Variants in MPRIP observed in about 807,000 individuals in gnomAD.
MPRIP encodes the protein myosin phosphatase Rho interacting protein.
Under a neutral mutation model 234.9 loss-of-function variants are expected in MPRIP, and 59 were observed. The ratio of observed to expected loss-of-function variants is 0.25; its 90% confidence interval spans 0.20 to 0.31. The LOEUF is 0.31. Among genes scored for constraint, MPRIP ranks in the 10% least tolerant of loss-of-function variants. MPRIP has a pLI of 1.00. For synonymous variants in MPRIP, 1,144 were observed against 1,263.9 expected (o/e 0.91, Z 2.01); for missense variants, 2,436 against 3,071.0 (o/e 0.79, Z 4.89).
intron 3 of MPRIP, among the ~76,000 whole-genome samples, chr17:17,085,427 C>T (rs367665171): frequency 6.6e-5 from 10 of 152,250 alleles, no homozygotes; most frequent in African/African-American, 1.9e-4. Context: ...CCCCATGCAT[C>T]GCATTCCCGC....
At chr17:17,071,653 C>T (rs1385649600) in intron 1 of MPRIP, among the ~76,000 whole-genome samples, 1 of 152,156 alleles carries the variant, frequency 6.6e-6, no homozygotes, top group Non-Finnish European at 1.5e-5. Flanking sequence ...TCCTAGAGGC[C>T]AGCCAGAAGT....
chr17:17,092,910 G>A (rs1382959544), intron 3 of MPRIP, among the ~76,000 whole-genome samples: 1 of 152,224 alleles, frequency 6.6e-6, no homozygotes. Flanking sequence ...CGATGGAAAG[G>A]AATAGACGTG....
Position 17,171,578 on chromosome 17 carries a change from G to A in MPRIP, c.6325-140G>A, listed in dbSNP as rs867007363. 3.8e-5 allele frequency: 39 copies of A among 1,034,988 alleles called. No homozygotes were observed. The East Asian group carries it at 3.8e-4, about 10-fold the overall frequency. 64.1% of individuals were successfully genotyped at this position (1,034,988 alleles called of 1,614,324 possible). On this transcript the variant is annotated intron_variant, in intron 16 of 23. Coordinates refer to ENST00000651222, the MANE Select transcript of MPRIP (RefSeq NM_001364716.4). ...CAGCCCCAGGGATCCTGTTCAGGGC[G>A]CCCATGGTGGAGCAAGCTCAGTGAA...
intron 23 of MPRIP, chr17:17,180,574 T>A (rs771432885): frequency 4.2e-5 from 67 of 1,597,582 alleles, no homozygotes; most frequent in Non-Finnish European, 5.7e-5. Context: ...TGGGATTGGT[T>A]GTGTGTCTCA....
chr17:17,087,420 G>A (rs1472221151), intron 3 of MPRIP, among the ~76,000 whole-genome samples: 1 of 152,202 alleles, frequency 6.6e-6, no homozygotes, highest in Non-Finnish European at 1.5e-5. Context: ...GGAGTCATAC[G>A]TGGATGGCTG....
At chr17:17,131,785 G>A in intron 5 of MPRIP, 84 bp downstream of exon 5, 1 of 1,273,908 alleles carries the variant, frequency 7.8e-7, no homozygotes, top group Non-Finnish European at 1.1e-6. Context: ...GTTAGAGGGT[G>A]AGGACACAGT....
intron 23 of MPRIP, chr17:17,180,700 C>T (rs374399423): frequency 1.3e-6 from 2 of 1,583,800 alleles, no homozygotes; most frequent in Non-Finnish European, 1.7e-6. Context: ...CCTGCATGCA[C>T]TGCTCACACC....
chr17:17,154,176 T>A, intron 12 of MPRIP, 130 bp from the exon 13 acceptor site: 1 of 741,188 alleles, frequency 1.3e-6, no homozygotes, highest in Middle Eastern at 3.8e-4. Context: ...GTGGCACTCC[T>A]AGAAGGGTCA....
In MPRIP at chr17:17,138,216, C is replaced by A. The variant is rs967552838; in HGVS notation, c.1037C>A (p.Ser346Tyr). The change falls in exon 7 of 24, where the codon TCT becomes TAT. Residue 346 changes from serine to tyrosine, a missense_variant. Transcript: ENST00000651222. This position sits in a 1 kb window ranked among gnomAD's most constrained non-coding sequence, Gnocchi z 5.8. ...VASQPPAYVD[S>Y]GSTRGRGTER... is the part of the protein sequence containing the mutation. ...AGCCAGCCACCTGCCTACGTGGACTCTGGCAGCACTAGGGGGCGGGGGACA... is the reference window on the plus strand; with the variant it reads ...AGCCAGCCACCTGCCTACGTGGACTATGGCAGCACTAGGGGGCGGGGGACA... 1 of 731,242 alleles carries A rather than the reference C, an allele frequency of 1.4e-6. No individual in the cohort carries two copies. Among genetic ancestry groups the A allele is most frequent in the African/African-American group, 1.8e-5 (1 of 54,586 alleles). The allele number at this position is 731,242 out of a possible 1,614,324, so 45.3% of individuals were successfully genotyped here.
chr17:17,085,575 C>T (rs973248359), intron 3 of MPRIP, among the ~76,000 whole-genome samples: 1 of 152,266 alleles, frequency 6.6e-6, no homozygotes, highest in South Asian at 2.1e-4. Context: ...TATTTCTGAC[C>T]CCTCCCTCAT....
At chr17:17,066,793 G>T (rs2089044779) in intron 1 of MPRIP, among the ~76,000 whole-genome samples, 1 of 120,784 alleles carries the variant, frequency 8.3e-6, no homozygotes. Flanking sequence ...GCCCTGCCCT[G>T]TTGCCCAGGC....
At chr17:17,149,191 A>G (rs1274171325) in intron 11 of MPRIP, among the ~76,000 whole-genome samples, 1 of 152,226 alleles carries the variant, frequency 6.6e-6, no homozygotes, top group Admixed American at 6.5e-5. Flanking sequence ...TGAAAAAGCT[A>G]TTAAAAATAC....
Position 17,166,703 on chromosome 17 carries a change from C to T in MPRIP, c.5112C>T (p.His1704=), listed in dbSNP as rs1190298775. ...GCACCCAGACGGCCCTGCGGCAGCACAAATGCCTGCTGAGGGAAATCCTGG... is the reference window on the plus strand; with the variant it reads ...GCACCCAGACGGCCCTGCGGCAGCATAAATGCCTGCTGAGGGAAATCCTGG... ...LRGTQTALRQ[H]KCLLREILGA... is the part of the protein sequence containing the mutation. Residue 1704 remains histidine, a synonymous_variant, in exon 16 of 24, where the codon CAC becomes CAT. Transcript: ENST00000651222. This position sits in a 1 kb window ranked among gnomAD's most constrained non-coding sequence, Gnocchi z 4.4. The T allele has an allele frequency of 2.3e-6, 3 of 1,303,974 alleles. No individual in the cohort carries two copies. The highest frequency in any genetic ancestry group is 4.6e-5 in the Admixed American group (2 of 43,554). 80.8% of individuals were successfully genotyped at this position (1,303,974 alleles called of 1,614,324 possible). A position where few individuals can be genotyped will look rare whatever the true frequency, so the allele number is the denominator to read the frequency against.
chr17:17,090,976 C>T (rs1217152162), intron 3 of MPRIP, among the ~76,000 whole-genome samples: 1 of 152,058 alleles, frequency 6.6e-6, no homozygotes, highest in Non-Finnish European at 1.5e-5. Context: ...GTGATGGGCC[C>T]TAACGCTGTC....
intron 12 of MPRIP, among the ~76,000 whole-genome samples, chr17:17,150,991 G>A (rs2045588786): frequency 6.7e-6 from 1 of 149,882 alleles, no homozygotes; most frequent in South Asian, 2.1e-4. Flanking sequence ...GACTACAGGT[G>A]CATGCCACCA....
At chr17:17,184,691 C>T (rs2046438981) in intron 23 of MPRIP, 132 bp from the exon 24 acceptor site, 1 of 610,658 alleles carries the variant, frequency 1.6e-6, no homozygotes, top group African/African-American at 1.8e-5. Context: ...CCTGGCATGC[C>T]CACTAACCGC....
At chr17:17,174,196 G>A in intron 19 of MPRIP, 121 bp downstream of exon 19, 3 of 1,248,080 alleles carry the variant, frequency 2.4e-6, no homozygotes, top group Admixed American at 2.5e-5. Context: ...TGGCATGAAG[G>A]TCCCTGAACC....
chr17:17,147,253 C>T (rs1022207228), intron 10 of MPRIP, 66 bp from the exon 11 acceptor site: 10 of 1,493,938 alleles, frequency 6.7e-6, no homozygotes, highest in Admixed American at 1.7e-5. Flanking sequence ...TGCGCACCGC[C>T]GTGGCGTGGC....
At chr17:17,057,273 G>C (rs554193070) in intron 1 of MPRIP, among the ~76,000 whole-genome samples, 3 of 152,242 alleles carry the variant, frequency 2.0e-5, no homozygotes, top group Non-Finnish European at 2.9e-5. Flanking sequence ...CTCAAGAGTC[G>C]CACACATGAA....
Sources: allele counts gnomAD v4.1 joint callset (sites outside exome capture counted in the v4.1 genomes callset), GRCh38; gene constraint gnomAD v4.1.1; non-coding constraint Gnocchi (gnomAD v3.1); transcripts MANE v1.5; gene names NCBI Gene and HGNC (gene_info 2026-07-23, HGNC 2026-07-21).